Variants in PCDH11X observed in about 807,000 individuals in gnomAD.
The protein encoded by PCDH11X is protocadherin-11 X-linked.
A neutral mutation model predicts 53.3 loss-of-function variants in PCDH11X; 18 were observed. The ratio of observed to expected loss-of-function variants is 0.34; its 90% CI spans 0.23 to 0.50. The LOEUF (loss-of-function observed/expected upper bound fraction) is 0.50, where lower values mean the gene tolerates loss of function less well. Ranked by LOEUF, PCDH11X falls within the 20% of genes least tolerant of loss-of-function variation. The pLI is 0.98. For missense variants in PCDH11X, 570 were observed against 1,032.4 expected, an observed-to-expected ratio of 0.55 and a Z score of 6.14; for synonymous variants, 279 against 393.3, an observed-to-expected ratio of 0.71 and a Z score of 3.44.
chrX:92,522,491 A>G (rs751239223), intron 10 of PCDH11X, among the ~76,000 whole-genome samples: 8 of 111,042 alleles, frequency 7.2e-5, no homozygotes, highest in African/African-American at 2.6e-4. Flanking sequence ...CGTTTGGAAT[A>G]TTGTGAGAGT....
chrX:92,545,501 A>C (rs777968339), intron 10 of PCDH11X, among the ~76,000 whole-genome samples: 49 of 100,381 alleles, frequency 4.9e-4, no homozygotes, highest in Non-Finnish European at 8.8e-4. Flanking sequence ...TCCCGGGTTC[A>C]TGTGATTCTC....
chrX:92,008,891 T>C (rs2062644493), intron 6 of PCDH11X, among the ~76,000 whole-genome samples: 1 of 111,966 alleles, frequency 8.9e-6, no homozygotes, highest in African/African-American at 3.2e-5. Context: ...ATGTTTTCTT[T>C]AGATATCAGG....
At chrX:92,046,354 G>C (rs36109471) in intron 6 of PCDH11X, among the ~76,000 whole-genome samples, 1 of 111,255 alleles carries the variant, frequency 9.0e-6, no homozygotes, top group African/African-American at 3.3e-5. Flanking sequence ...GTAATAGACT[G>C]TCTATGAAAA....
chrX:92,419,655 C>G (rs1367141413), intron 9 of PCDH11X, among the ~76,000 whole-genome samples: 4 of 99,394 alleles, frequency 4.0e-5, no homozygotes, highest in African/African-American at 1.5e-4. Flanking sequence ...GTTTCTCTCT[C>G]CCCTCCCTCC....
intron 8 of PCDH11X, among the ~76,000 whole-genome samples, chrX:92,338,031 T>C (rs2069661978): frequency 9.0e-6 from 1 of 110,717 alleles, no homozygotes; most frequent in Non-Finnish European, 1.9e-5. Flanking sequence ...AGTGAGAGGG[T>C]TGGGGGGGTG....
rs1937269402 is a variant in PCDH11X, at chrX:91,835,666, C to T, written c.162C>T (p.Asn54=). Reference sequence around the variant, plus strand: ...ACCTTAACTTGTCGCTGATTCCAAACAAGTCCTTGACAACTGCTATGCAGT... The same window carrying T: ...ACCTTAACTTGTCGCTGATTCCAAATAAGTCCTTGACAACTGCTATGCAGT... The part of the protein sequence containing the change: ...LKDLNLSLIP[N]KSLTTAMQFK... Residue 54 remains asparagine (N), a synonymous_variant, in exon 5 of 11, where the codon AAC becomes AAT. Coordinates refer to ENST00000682573, the MANE Select transcript of PCDH11X (RefSeq NM_032968.5). The T allele has an allele frequency of 1.7e-6, 2 of 1,209,057 alleles. No homozygotes were observed. Among genetic ancestry groups the T allele is most frequent in the African/African-American group, 3.5e-5 (2 of 56,819 alleles).
chrX:92,348,037 G>C (rs2069946050), intron 8 of PCDH11X, among the ~76,000 whole-genome samples: 1 of 111,554 alleles, frequency 9.0e-6, no homozygotes, highest in African/African-American at 3.3e-5. Flanking sequence ...AGACACTGGA[G>C]CCACAAGCTT....
rs1002160097 is a variant in PCDH11X at position 92,459,007 on chromosome X, C to T, written c.3344-9292C>T. On this transcript the variant is annotated intron_variant, in intron 9 of 10. Coordinates refer to ENST00000682573, the MANE Select transcript of PCDH11X (RefSeq NM_032968.5). ...TACATTTTCATCAAAAGCGTAGGAGCGTTCCCTTTTATCCCTACCCTTGCC... is the reference window on the plus strand; with the variant it reads ...TACATTTTCATCAAAAGCGTAGGAGTGTTCCCTTTTATCCCTACCCTTGCC... Among the ~76,000 whole-genome samples the T allele has an allele frequency of 9.0e-5, 10 of 110,971 alleles. No individual in the cohort carries two copies. The South Asian group carries it at 1.5e-3, about 17-fold the overall frequency.
intron 6 of PCDH11X, chrX:91,882,845 C>T (rs1018533371): frequency 9.4e-6 from 11 of 1,166,964 alleles, no homozygotes; most frequent in Non-Finnish European, 1.3e-5. Flanking sequence ...GCATGCTTGG[C>T]AAATGAAACT....
At chrX:92,011,855 A>G (rs994023288) in intron 6 of PCDH11X, among the ~76,000 whole-genome samples, 5 of 110,654 alleles carry the variant, frequency 4.5e-5, no homozygotes, top group Non-Finnish European at 9.5e-5. Flanking sequence ...GGAAGCCACT[A>G]AAATCTGGAG....
chrX:92,597,332 G>T (rs58102037), intron 10 of PCDH11X, among the ~76,000 whole-genome samples: 10,166 of 109,628 alleles, frequency 0.093, 497 homozygotes, highest in South Asian at 0.21. Context: ...TAGTAAACTT[G>T]CACGATATGA....
At chrX:92,101,772 G>A (rs1479182634) in intron 6 of PCDH11X, among the ~76,000 whole-genome samples, 4 of 110,003 alleles carry the variant, frequency 3.6e-5, no homozygotes, top group Non-Finnish European at 7.6e-5. Context: ...AGTCCTGGGT[G>A]GGGGCAAATC....
intron 5 of PCDH11X, among the ~76,000 whole-genome samples, chrX:91,874,261 A>T (rs1569421274): frequency 9.0e-6 from 1 of 111,562 alleles, no homozygotes; most frequent in Non-Finnish European, 1.9e-5. Context: ...ATAGTATGTT[A>T]TGGTATTTAC....
At chrX:92,595,303 G>A (rs1450297558) in intron 10 of PCDH11X, among the ~76,000 whole-genome samples, 1 of 110,368 alleles carries the variant, frequency 9.1e-6, no homozygotes, top group Non-Finnish European at 1.9e-5. Context: ...CTTGAGGTGA[G>A]AAATTCACCC....
chrX:92,452,501 T>G lies in PCDH11X; in HGVS notation c.3344-15798T>G, dbSNP rs868840326. Among the ~76,000 whole-genome samples the G allele has an allele frequency of 2.5e-4, 8 of 32,251 alleles. 1 individual carries two copies. The highest frequency in any genetic ancestry group is 1.9e-3 in the African/African-American group (6 of 3,081). 28.0% of individuals were successfully genotyped at this position (32,251 alleles called of 115,157 possible). A position where few individuals can be genotyped will look rare whatever the true frequency, so the allele number is the denominator to read the frequency against. ...TATATATATATATATATATATATGT[T>G]TTTTTTTTTTTTTTTGAGATGGAGT... On this transcript the variant is annotated intron_variant, in intron 9 of 10. Transcript: ENST00000682573.
In PCDH11X at chrX:92,597,520, A is replaced by T. The variant is rs763191131; in HGVS notation, c.3368-20744A>T. Among the ~76,000 whole-genome samples, 7 of 111,866 alleles carry T rather than the reference A, an allele frequency of 6.3e-5. No homozygotes were observed. In the South Asian group the frequency reaches 2.2e-3, roughly 35 times the overall value. On this transcript the variant is annotated intron_variant, in intron 10 of 10. Coordinates refer to ENST00000682573, the MANE Select transcript of PCDH11X (RefSeq NM_032968.5). ...AAAACTATAAAACACTGACGAAAAAAATTTCAGAGAACACCAAAAAAGGTA... is the reference window on the plus strand; with the variant it reads ...AAAACTATAAAACACTGACGAAAAATATTTCAGAGAACACCAAAAAAGGTA...
At chrX:92,066,824 C>T (rs1337012798) in intron 6 of PCDH11X, among the ~76,000 whole-genome samples, 2 of 112,510 alleles carry the variant, frequency 1.8e-5, no homozygotes, top group East Asian at 5.6e-4. Context: ...GGATGCCTTG[C>T]TGTGAGCAGT....
intron 6 of PCDH11X, among the ~76,000 whole-genome samples, chrX:91,913,234 C>T (rs777537156): frequency 1.8e-5 from 2 of 111,158 alleles, no homozygotes; most frequent in Non-Finnish European, 3.8e-5. Context: ...GGAGCTGCTG[C>T]ACATACAAGC....
chrX:92,605,482 A>T (rs2750689), intron 10 of PCDH11X, among the ~76,000 whole-genome samples: 27 of 111,618 alleles, frequency 2.4e-4, no homozygotes, highest in Middle Eastern at 4.8e-3. Context: ...CTAGGCAAAA[A>T]AAATAAATAA....
Sources: gnomAD v4.1 joint callset for allele counts (sites outside exome capture counted in the v4.1 genomes callset) on GRCh38, gnomAD v4.1.1 for gene constraint, MANE v1.5 for transcripts, NCBI Gene and HGNC (gene_info 2026-07-23, HGNC 2026-07-21) for gene names.